The following ATE1 variants were observed in gnomAD, a reference collection of about 807,000 sequenced individuals.
ATE1 encodes the protein arginyl-tRNA--protein transferase 1.
Under a neutral mutation model 70.5 loss-of-function variants are expected in ATE1, and 36 were observed. That is an observed-to-expected ratio of 0.51 (90% CI 0.39 to 0.67). ATE1 has a LOEUF of 0.67. Ranked by LOEUF, ATE1 falls within the 30% of genes least tolerant of loss-of-function variation. The probability of loss-of-function intolerance (pLI) is 0.00; values close to 1 mark genes in which losing one functional copy is unlikely to be tolerated. For synonymous variants in ATE1, 232 were observed against 219.3 expected, an observed-to-expected ratio of 1.06 and a Z score of -0.51; for missense variants, 593 against 629.5, an observed-to-expected ratio of 0.94 and a Z score of 0.62.
intron 10 of ATE1, among the ~76,000 whole-genome samples, chr10:121,798,391 G>C (rs1056299662): frequency 1.3e-5 from 2 of 152,184 alleles, no homozygotes; most frequent in African/African-American, 4.8e-5. Context: ...TATCTCAAAA[G>C]AGATGTACAG....
intron 10 of ATE1, among the ~76,000 whole-genome samples, chr10:121,823,723 T>C (rs1291343829): frequency 6.6e-6 from 1 of 152,212 alleles, no homozygotes; most frequent in African/African-American, 2.4e-5. Context: ...TCTAGTTCAT[T>C]GTAAAGAGAG....
At chr10:121,919,808 G>A (rs1249754206) in intron 3 of ATE1, among the ~76,000 whole-genome samples, 1 of 151,802 alleles carries the variant, frequency 6.6e-6, no homozygotes, top group African/African-American at 2.4e-5. Flanking sequence ...TAAGGCAAGA[G>A]CACTGCTAGA....
chr10:121,822,822 C>T (rs1360690916), intron 10 of ATE1, among the ~76,000 whole-genome samples: 1 of 152,102 alleles, frequency 6.6e-6, no homozygotes, highest in Non-Finnish European at 1.5e-5. Flanking sequence ...GTGACAGTGA[C>T]AGGTAAGACA....
intron 5 of ATE1, among the ~76,000 whole-genome samples, chr10:121,904,578 T>G (rs973688957): frequency 1.4e-5 from 2 of 143,870 alleles, no homozygotes; most frequent in Non-Finnish European, 3.0e-5. Flanking sequence ...TAGGTGGAGG[T>G]TGCAGTGAGC....
Position 121,743,456 on chromosome 10 carries a change from C to T in ATE1, c.*224G>A, listed in dbSNP as rs7919858. On this transcript the variant is annotated 3_prime_UTR_variant, in exon 12 of 12. Transcript: ENST00000224652. ...AAAGAATCCTCCAAAATGATAAATCCCAATTATGGGGGCTAGGTCATAATG... is the reference window on the plus strand; with the variant it reads ...AAAGAATCCTCCAAAATGATAAATCTCAATTATGGGGGCTAGGTCATAATG... The T allele has an allele frequency of 1.7e-3, 1,443 of 829,294 alleles. 9 individuals are homozygous for T. In the African/African-American group the frequency reaches 0.022, roughly 12 times the overall value. The allele number at this position is 829,294 out of a possible 1,614,324, so 51.4% of individuals were successfully genotyped here. A position where few individuals can be genotyped will look rare whatever the true frequency, so the allele number is the denominator to read the frequency against.
intron 1 of ATE1, chr10:121,926,910 C>A: frequency 1.0e-6 from 1 of 985,450 alleles, no homozygotes; most frequent in Non-Finnish European, 1.2e-6. Flanking sequence ...CTCAAAACCG[C>A]TGCCCACAAG....
At chr10:121,907,963 G>A (rs528567183) in intron 5 of ATE1, among the ~76,000 whole-genome samples, 1 of 152,136 alleles carries the variant, frequency 6.6e-6, no homozygotes, top group Non-Finnish European at 1.5e-5. Context: ...ACAACTGCTC[G>A]AAGAAATGCC....
intron 3 of ATE1, among the ~76,000 whole-genome samples, chr10:121,921,325 T>A (rs1201808718): frequency 1.3e-5 from 2 of 151,572 alleles, no homozygotes; most frequent in African/African-American, 2.4e-5. Flanking sequence ...GGTGGGAAAT[T>A]AAAGAAAAAT....
chr10:121,896,319 A>T (rs949352095), intron 7 of ATE1, among the ~76,000 whole-genome samples: 1 of 152,212 alleles, frequency 6.6e-6, no homozygotes, highest in African/African-American at 2.4e-5. Flanking sequence ...GAAGGACTTA[A>T]TTATAAAATG....
intron 7 of ATE1, among the ~76,000 whole-genome samples, chr10:121,878,638 C>T (rs1950135257): frequency 6.6e-6 from 1 of 151,216 alleles, no homozygotes; most frequent in African/African-American, 2.4e-5. Context: ...AAGCTATACA[C>T]CTAAGATTTA....
At chr10:121,925,116 A>G (rs1452794068) in intron 1 of ATE1, among the ~76,000 whole-genome samples, 1 of 152,200 alleles carries the variant, frequency 6.6e-6, no homozygotes, top group Non-Finnish European at 1.5e-5. Flanking sequence ...ATTCCTTCTA[A>G]GTGTAAGAAC....
intron 11 of ATE1, among the ~76,000 whole-genome samples, chr10:121,744,433 T>C (rs897946811): frequency 2.6e-5 from 4 of 152,112 alleles, no homozygotes; most frequent in Non-Finnish European, 5.9e-5. Context: ...ATGTGTCTAA[T>C]TAGAACACTG....
chr10:121,850,363 G>C (rs573464574), intron 8 of ATE1, among the ~76,000 whole-genome samples: 1 of 152,238 alleles, frequency 6.6e-6, no homozygotes, highest in African/African-American at 2.4e-5. Context: ...AGGTCCAAAA[G>C]AGCTATGTCT....
intron 7 of ATE1, among the ~76,000 whole-genome samples, chr10:121,895,016 T>C (rs1380221680): frequency 6.6e-6 from 1 of 152,058 alleles, no homozygotes; most frequent in East Asian, 1.9e-4. Context: ...AAAACCATAA[T>C]GAGACACCAC....
intron 11 of ATE1, among the ~76,000 whole-genome samples, chr10:121,751,656 T>A (rs1401315346): frequency 1.3e-5 from 2 of 152,234 alleles, no homozygotes; most frequent in Non-Finnish European, 2.9e-5. Flanking sequence ...TTAATTGGGT[T>A]GTCTTTTTAT....
chr10:121,795,806 G>A (rs1946637102), intron 10 of ATE1, among the ~76,000 whole-genome samples: 1 of 152,156 alleles, frequency 6.6e-6, no homozygotes, highest in Non-Finnish European at 1.5e-5. Context: ...TCACACAAAC[G>A]AAAACACAGG....
At chr10:121,844,438 T>C (rs2133814550) in intron 8 of ATE1, among the ~76,000 whole-genome samples, 1 of 152,240 alleles carries the variant, frequency 6.6e-6, no homozygotes, top group East Asian at 1.9e-4. Flanking sequence ...AAAAACTGAA[T>C]AAATACCAAA....
intron 10 of ATE1, among the ~76,000 whole-genome samples, chr10:121,827,465 A>T (rs1767084474): frequency 6.6e-6 from 1 of 152,208 alleles, no homozygotes; most frequent in Non-Finnish European, 1.5e-5. Context: ...CAGCAGCCAG[A>T]AAACCACACT....
chr10:121,883,999 G>A (rs1950301527), intron 7 of ATE1, among the ~76,000 whole-genome samples: 1 of 151,154 alleles, frequency 6.6e-6, no homozygotes, highest in Non-Finnish European at 1.5e-5. Flanking sequence ...CCAGCTACTG[G>A]GGAGTCTAAG....
Sources: gnomAD v4.1 joint callset for allele counts (sites outside exome capture counted in the v4.1 genomes callset) on GRCh38, gnomAD v4.1.1 for gene constraint, MANE v1.5 for transcripts, NCBI Gene and HGNC (gene_info 2026-07-23, HGNC 2026-07-21) for gene names.